Variants in UBTD2 observed in about 807,000 individuals in gnomAD.
The protein encoded by UBTD2 is ubiquitin domain containing 2, also known as ubiquitin domain-containing protein 2.
Under a neutral mutation model 19.8 loss-of-function variants are expected in UBTD2, and 9 were observed. That is an observed-to-expected ratio of 0.46 (90% CI 0.27 to 0.79). The LOEUF (loss-of-function observed/expected upper bound fraction) is 0.79. Among genes scored for constraint, UBTD2 ranks in the 30% least tolerant of loss-of-function variants. The pLI, the probability that UBTD2 is intolerant of heterozygous loss-of-function variation, is 0.14. For synonymous variants in UBTD2, 98 were observed against 103.9 expected (o/e 0.94, Z 0.35); for missense variants, 250 against 300.4 (o/e 0.83, Z 1.24).
At chr5:172,241,695 T>C (rs192242822) in intron 1 of UBTD2, among the ~76,000 whole-genome samples, 59 of 152,188 alleles carry the variant, frequency 3.9e-4, no homozygotes, top group Non-Finnish European at 3.1e-4. Flanking sequence ...TTTCTCACTA[T>C]GGTAAATAAA....
chr5:172,251,449 T>C (rs1390416971), intron 1 of UBTD2, among the ~76,000 whole-genome samples: 3 of 128,360 alleles, frequency 2.3e-5, no homozygotes, highest in Non-Finnish European at 4.9e-5. Flanking sequence ...CCCCAAGACA[T>C]TATAATCAAA....
intron 1 of UBTD2, among the ~76,000 whole-genome samples, chr5:172,274,427 C>G (rs1207462545): frequency 6.6e-6 from 1 of 152,138 alleles, no homozygotes; most frequent in Non-Finnish European, 1.5e-5. Flanking sequence ...GTGTGAGCCA[C>G]TGCACCTGGC....
intron 1 of UBTD2, among the ~76,000 whole-genome samples, chr5:172,243,066 G>A (rs1416857684): frequency 6.6e-5 from 10 of 151,068 alleles, no homozygotes; most frequent in Non-Finnish European, 1.5e-4. Context: ...GGGCTCAAGT[G>A]AGCCTCCTGC....
intron 2 of UBTD2, among the ~76,000 whole-genome samples, chr5:172,224,983 T>TGG (rs1326428933): frequency 6.6e-6 from 1 of 152,220 alleles, no homozygotes; most frequent in Non-Finnish European, 1.5e-5. Context: ...TACCACCCAC[T>TGG]GGCCACCAAG....
intron 1 of UBTD2, among the ~76,000 whole-genome samples, chr5:172,277,147 C>CT (rs1241009012): frequency 3.6e-5 from 5 of 139,470 alleles, no homozygotes; most frequent in Non-Finnish European, 3.1e-5. Context: ...CTTTTGTCAA[C>CT]TTTTTTTCTT....
At chr5:172,215,592 A>G (rs1022100477) in intron 2 of UBTD2, among the ~76,000 whole-genome samples, 3 of 152,250 alleles carry the variant, frequency 2.0e-5, no homozygotes, top group Non-Finnish European at 4.4e-5. Flanking sequence ...AGTTTTTTAG[A>G]GCAAGCACAA....
chr5:172,217,418 CAAAAAA>C (rs35018283), intron 2 of UBTD2, among the ~76,000 whole-genome samples: 3 of 114,884 alleles, frequency 2.6e-5, no homozygotes, highest in Admixed American at 9.1e-5. Flanking sequence ...GACTCTGTCT[CAAAAAA>C]AAAAAAAAAA....
At chr5:172,232,913 G>A (rs1021830642) in intron 2 of UBTD2, among the ~76,000 whole-genome samples, 5 of 151,766 alleles carry the variant, frequency 3.3e-5, no homozygotes, top group East Asian at 3.9e-4. Context: ...AGGCTGAGGC[G>A]GGCGGATCAC....
chr5:172,274,512 T>G (rs1426095383), intron 1 of UBTD2, among the ~76,000 whole-genome samples: 1 of 152,102 alleles, frequency 6.6e-6, no homozygotes, highest in Non-Finnish European at 1.5e-5. Context: ...TTAGATGATG[T>G]GTAGAACATA....
intron 2 of UBTD2, among the ~76,000 whole-genome samples, chr5:172,223,134 A>G (rs1395430702): frequency 6.6e-6 from 1 of 152,218 alleles, no homozygotes; most frequent in African/African-American, 2.4e-5. Flanking sequence ...AACTAGAATG[A>G]CAGAAAAAAA....
At chr5:172,215,488 C>T (rs1489457066) in intron 2 of UBTD2, among the ~76,000 whole-genome samples, 1 of 152,158 alleles carries the variant, frequency 6.6e-6, no homozygotes, top group African/African-American at 2.4e-5. Flanking sequence ...AAGACTAAAA[C>T]CTCCATATTA....
At chr5:172,244,657 G>A (rs1341400404) in intron 1 of UBTD2, among the ~76,000 whole-genome samples, 1 of 151,960 alleles carries the variant, frequency 6.6e-6, no homozygotes, top group African/African-American at 2.4e-5. Flanking sequence ...GATGTTATAA[G>A]CCCACTAGAG....
intron 2 of UBTD2, among the ~76,000 whole-genome samples, chr5:172,223,400 C>T (rs555735550): frequency 2.3e-4 from 35 of 151,640 alleles, no homozygotes; most frequent in African/African-American, 5.6e-4. Context: ...GTCAGGAGTT[C>T]GAGACCAGCC....
intron 1 of UBTD2, among the ~76,000 whole-genome samples, chr5:172,250,933 CAAAAAAAAAA>C (rs56280728): frequency 1.1e-4 from 5 of 43,948 alleles, no homozygotes; most frequent in African/African-American, 3.6e-4. Flanking sequence ...GACCCTGTCT[CAAAAAAAAAA>C]AAAAAAAAAA....
chr5:172,271,043 A>G (rs548986637), intron 1 of UBTD2, among the ~76,000 whole-genome samples: 5 of 152,016 alleles, frequency 3.3e-5, no homozygotes, highest in Non-Finnish European at 5.9e-5. Flanking sequence ...ATCCCCCTAA[A>G]TGCTATGTTT....
intron 1 of UBTD2, among the ~76,000 whole-genome samples, chr5:172,246,066 TC>T (rs1754873906): frequency 6.6e-6 from 1 of 152,296 alleles, no homozygotes; most frequent in East Asian, 1.9e-4. Context: ...TCTGAGATGA[TC>T]CAGATGTTGA....
At chr5:172,280,908 T>C (rs1755701453) in intron 1 of UBTD2, among the ~76,000 whole-genome samples, 1 of 152,198 alleles carries the variant, frequency 6.6e-6, no homozygotes, top group African/African-American at 2.4e-5. Flanking sequence ...ATTACTTGCA[T>C]ACATAAGAGA....
At chr5:172,283,875 G>A (rs997418039), upstream of UBTD2, 178 of 174,156 alleles carry the variant, frequency 1.0e-3, no homozygotes, top group African/African-American at 4.2e-3. The surrounding 1 kb of genome is among the most constrained non-coding windows in gnomAD (Gnocchi z 4.3). Flanking sequence ...CTCAACCCCC[G>A]GGCCGCCCGC....
intron 1 of UBTD2, among the ~76,000 whole-genome samples, chr5:172,237,683 G>A (rs1772039589): frequency 6.6e-6 from 1 of 152,264 alleles, no homozygotes; most frequent in Admixed American, 6.5e-5. Flanking sequence ...TTAGCATTTA[G>A]CAAAAGCATT....
Sources: allele counts gnomAD v4.1 joint callset (sites outside exome capture counted in the v4.1 genomes callset), GRCh38; gene constraint gnomAD v4.1.1; non-coding constraint Gnocchi (gnomAD v3.1); transcripts MANE v1.5; gene names NCBI Gene and HGNC (gene_info 2026-07-23, HGNC 2026-07-21).